Variants in FHIT observed in about 807,000 individuals in gnomAD.
FHIT encodes bis(5'-adenosyl)-triphosphatase.
FHIT carries 19 observed loss-of-function variants against 17.9 expected under a neutral mutation model. The ratio of observed to expected loss-of-function variants is 1.06; its 90% CI spans 0.74 to 1.56. The LOEUF is 1.56. FHIT is among the 40% of genes most tolerant of loss of function. The probability of loss-of-function intolerance (pLI) is 0.00; values close to 1 mark genes in which losing one functional copy is unlikely to be tolerated. For missense variants in FHIT, 248 were observed against 189.2 expected, an observed-to-expected ratio of 1.31 and a Z score of -1.82; for synonymous variants, 81 against 69.7, an observed-to-expected ratio of 1.16 and a Z score of -0.81.
At chr3:60,168,030 T>G (rs566427374) in intron 5 of FHIT, among the ~76,000 whole-genome samples, 1 of 152,158 alleles carries the variant, frequency 6.6e-6, no homozygotes, top group African/African-American at 2.4e-5. Context: ...TCTCAATAAG[T>G]AAGTAAATAA....
intron 5 of FHIT, among the ~76,000 whole-genome samples, chr3:60,164,707 C>G (rs962212213): frequency 6.6e-6 from 1 of 152,144 alleles, no homozygotes; most frequent in Non-Finnish European, 1.5e-5. Context: ...TGCTCTTGAT[C>G]TGCCTACCAC....
At chr3:61,024,924 G>T (rs1028379225) in intron 3 of FHIT, among the ~76,000 whole-genome samples, 2 of 151,620 alleles carry the variant, frequency 1.3e-5, no homozygotes, top group Non-Finnish European at 2.9e-5. Context: ...GTATACCATT[G>T]TTTTCAAGAC....
chr3:59,833,181 C>T (rs1701224504), intron 8 of FHIT, among the ~76,000 whole-genome samples: 2 of 152,174 alleles, frequency 1.3e-5, no homozygotes, highest in African/African-American at 4.8e-5. Context: ...TGGGTTCCTT[C>T]TCCACCCCCA....
intron 5 of FHIT, among the ~76,000 whole-genome samples, chr3:60,397,111 C>A (rs1167459928): frequency 1.3e-5 from 2 of 152,182 alleles, no homozygotes; most frequent in South Asian, 2.1e-4. Flanking sequence ...TAAGCAAATT[C>A]TTCACTGTGA....
intron 5 of FHIT, among the ~76,000 whole-genome samples, chr3:60,530,842 A>C (rs1440154116): frequency 6.6e-6 from 1 of 152,180 alleles, no homozygotes; most frequent in Non-Finnish European, 1.5e-5. Context: ...AGCATCCAAT[A>C]ACTTCCTTTG....
chr3:60,524,460 C>T (rs1254974154), intron 5 of FHIT, among the ~76,000 whole-genome samples: 1 of 152,050 alleles, frequency 6.6e-6, no homozygotes, highest in African/African-American at 2.4e-5. Context: ...GGCTATGAGG[C>T]AGCAGTGTGC....
chr3:60,390,396 T>TGAAAAAAAAAAAAAAAAAAAAAAA (rs1701174274), intron 5 of FHIT, among the ~76,000 whole-genome samples: 1 of 32,030 alleles, frequency 3.1e-5, no homozygotes, highest in African/African-American at 1.2e-4. Context: ...GTAATGGAGC[T>TGAAAAAAAAAAAAAAAAAAAAAAA]AAAAAAAAAA....
intron 5 of FHIT, among the ~76,000 whole-genome samples, chr3:60,530,808 T>C (rs2035748953): frequency 6.6e-6 from 1 of 152,252 alleles, no homozygotes; most frequent in Admixed American, 6.5e-5. Flanking sequence ...TGAAAAAAGA[T>C]GTTGGTCAAC....
intron 5 of FHIT, among the ~76,000 whole-genome samples, chr3:60,240,526 C>T (rs17062584): frequency 0.015 from 2,351 of 152,116 alleles, 23 homozygotes; most frequent in Middle Eastern, 0.051. Context: ...TCACACATAA[C>T]GAGAAAAAAC....
intron 4 of FHIT, among the ~76,000 whole-genome samples, chr3:60,707,989 T>C (rs1017823263): frequency 2.0e-5 from 3 of 152,212 alleles, no homozygotes; most frequent in Admixed American, 1.3e-4. Flanking sequence ...ATTTCCACAT[T>C]TGTCAGCATT....
chr3:61,066,256 G>A lies in FHIT; in HGVS notation c.-163-24157C>T, dbSNP rs1240290139. Among the ~76,000 whole-genome samples the A allele has an allele frequency of 2.6e-5, 4 of 152,188 alleles. No individual in the cohort carries two copies. In the East Asian group the frequency reaches 7.7e-4, roughly 29 times the overall value. On this transcript the variant is annotated intron_variant, in intron 2 of 9. Transcript: ENST00000492590. ...CACTTCTCAACACTGTTGCATTGAGGAATTAAGTTTCCAAAACATAAACTC... is the reference window on the plus strand; with the variant it reads ...CACTTCTCAACACTGTTGCATTGAGAAATTAAGTTTCCAAAACATAAACTC...
At chr3:60,697,288 G>A (rs1275562333) in intron 4 of FHIT, among the ~76,000 whole-genome samples, 1 of 152,150 alleles carries the variant, frequency 6.6e-6, no homozygotes, top group African/African-American at 2.4e-5. Context: ...CAGAGAGAGG[G>A]TTCAGATCAG....
intron 8 of FHIT, among the ~76,000 whole-genome samples, chr3:59,898,804 T>A (rs1187833874): frequency 1.3e-5 from 2 of 152,076 alleles, no homozygotes; most frequent in African/African-American, 4.8e-5. Flanking sequence ...ATAACAACAG[T>A]GACAATAATA....
intron 4 of FHIT, among the ~76,000 whole-genome samples, chr3:60,763,223 G>A (rs536537968): frequency 5.1e-4 from 78 of 152,204 alleles, no homozygotes; most frequent in Non-Finnish European, 8.7e-4. Context: ...AAGCCCAATC[G>A]AAATGATAGG....
At chr3:60,347,992 C>A (rs1238100106) in intron 5 of FHIT, among the ~76,000 whole-genome samples, 1 of 152,146 alleles carries the variant, frequency 6.6e-6, no homozygotes, top group African/African-American at 2.4e-5. Context: ...CTCCTCACCT[C>A]AGTTGATCCA....
chr3:60,653,038 A>T (rs990096316), intron 4 of FHIT, among the ~76,000 whole-genome samples: 1 of 152,148 alleles, frequency 6.6e-6, no homozygotes, highest in Non-Finnish European at 1.5e-5. Flanking sequence ...TATTCACAAG[A>T]CCCACCCACT....
At chr3:60,279,581 C>G (rs1189684047) in intron 5 of FHIT, among the ~76,000 whole-genome samples, 1 of 151,946 alleles carries the variant, frequency 6.6e-6, no homozygotes, top group African/African-American at 2.4e-5. Flanking sequence ...TACTCTATAG[C>G]AAAATCAGAA....
intron 1 of FHIT, among the ~76,000 whole-genome samples, chr3:61,232,739 A>T (rs2040137085): frequency 6.6e-6 from 1 of 152,210 alleles, no homozygotes; most frequent in Non-Finnish European, 1.5e-5. Flanking sequence ...TGCTCCTATT[A>T]GGCCTAGGTG....
chr3:60,093,658 C>G (rs1349328678), intron 5 of FHIT, among the ~76,000 whole-genome samples: 1 of 152,152 alleles, frequency 6.6e-6, no homozygotes, highest in Non-Finnish European at 1.5e-5. Flanking sequence ...AGCTTCCTAT[C>G]AGATCAGCAG....
Sources: allele counts gnomAD v4.1 joint callset (sites outside exome capture counted in the v4.1 genomes callset), GRCh38; gene constraint gnomAD v4.1.1; transcripts MANE v1.5; gene names NCBI Gene and HGNC (gene_info 2026-07-23, HGNC 2026-07-21).